The following GALNT13 variants were observed in gnomAD, a reference collection of about 807,000 sequenced individuals.
GALNT13 encodes polypeptide N-acetylgalactosaminyltransferase 13, also known as UDP-GalNAc:polypeptide N-acetylgalactosaminyltransferase 13.
Under a neutral mutation model 64.2 loss-of-function variants are expected in GALNT13, and 28 were observed. That is an observed-to-expected ratio of 0.44 (90% confidence interval 0.32 to 0.60). The LOEUF (loss-of-function observed/expected upper bound fraction) is 0.60, where lower values mean the gene tolerates loss of function less well. Among genes scored for constraint, GALNT13 ranks in the 20% least tolerant of loss-of-function variants. The pLI, the probability that GALNT13 is intolerant of heterozygous loss-of-function variation, is 0.05. For missense variants in GALNT13, 577 were observed against 669.8 expected (o/e 0.86, Z 1.53); for synonymous variants, 214 against 224.6 (o/e 0.95, Z 0.42).
the GALNT13 span, among the ~76,000 whole-genome samples, chr2:153,103,604 A>G: frequency 1.2e-3 from 178 of 152,328 alleles, no homozygotes; most frequent in African/African-American, 4.2e-3. Context: ...AATGATGCCA[A>G]CGCTATAAAT....
At chr2:153,131,800 T>G in the GALNT13 span, among the ~76,000 whole-genome samples, 3 of 152,138 alleles carry the variant, frequency 2.0e-5, no homozygotes, top group South Asian at 6.2e-4. Flanking sequence ...TTCAAGCATG[T>G]TTGGTACCTA....
At chr2:154,368,122 A>T (rs1697474580) in intron 9 of GALNT13, among the ~76,000 whole-genome samples, 1 of 149,108 alleles carries the variant, frequency 6.7e-6, no homozygotes, top group South Asian at 2.1e-4. Context: ...ATTCACTTTG[A>T]TTAAAAGATA....
the GALNT13 span, among the ~76,000 whole-genome samples, chr2:153,699,562 G>GA: frequency 4.8e-4 from 73 of 151,332 alleles, no homozygotes; most frequent in African/African-American, 1.6e-3. Context: ...CTAGATTTTT[G>GA]AAAAAAAATT....
intron 9 of GALNT13, among the ~76,000 whole-genome samples, chr2:154,395,621 C>G (rs1023806897): frequency 6.6e-5 from 10 of 151,980 alleles, no homozygotes; most frequent in African/African-American, 2.4e-4. Context: ...TGAATATTAA[C>G]AAAAACATTG....
At position 154,064,664 on chromosome 2, in the gene GALNT13, C is replaced by G. The variant is rs1195581498; in HGVS notation, c.143-75673C>G. On this transcript the variant is annotated intron_variant, in intron 3 of 12. Coordinates refer to ENST00000392825, the MANE Select transcript of GALNT13 (RefSeq NM_052917.4). ...ACCCACTGCCTATAAAGGAAGGACC[C>G]AGTCCTGGTAGGATCCATCACTTGC... Among the ~76,000 whole-genome samples the G allele has an allele frequency of 2.0e-5, 3 of 152,180 alleles. 1 individual carries two copies. The highest frequency in any genetic ancestry group is 4.1e-4 in the South Asian group (2 of 4,826).
the GALNT13 span, among the ~76,000 whole-genome samples, chr2:153,753,333 G>C: frequency 7.9e-5 from 12 of 152,132 alleles, no homozygotes; most frequent in Non-Finnish European, 1.5e-4. Flanking sequence ...GCATTGAAGA[G>C]TTAGGTGTTT....
At chr2:154,360,276 T>C (rs888391472) in intron 9 of GALNT13, among the ~76,000 whole-genome samples, 1 of 152,182 alleles carries the variant, frequency 6.6e-6, no homozygotes, top group African/African-American at 2.4e-5. Context: ...CCTTGTTTAC[T>C]GCTGTTGCTT....
chr2:154,250,640 T>C (rs1690018652), intron 7 of GALNT13, among the ~76,000 whole-genome samples: 2 of 152,112 alleles, frequency 1.3e-5, no homozygotes, highest in Admixed American at 1.3e-4. Flanking sequence ...ATAATTTCAC[T>C]AAGTATAATA....
At chr2:153,409,380 A>C in the GALNT13 span, among the ~76,000 whole-genome samples, 1 of 150,128 alleles carries the variant, frequency 6.7e-6, no homozygotes, top group African/African-American at 2.4e-5. Context: ...ATGTGTGTAT[A>C]TATATATATA....
At chr2:153,898,257 T>C (rs1236312307) in intron 1 of GALNT13, among the ~76,000 whole-genome samples, 2 of 152,174 alleles carry the variant, frequency 1.3e-5, no homozygotes, top group African/African-American at 2.4e-5. Context: ...TTTAATTTGT[T>C]TTTTTAGGTG....
chr2:153,909,898 G>A (rs1413279271), intron 2 of GALNT13, among the ~76,000 whole-genome samples: 1 of 152,072 alleles, frequency 6.6e-6, no homozygotes, highest in South Asian at 2.1e-4. Context: ...TTCTCTTTTG[G>A]TTGTGTCACT....
the GALNT13 span, among the ~76,000 whole-genome samples, chr2:153,694,033 G>A: frequency 3.4e-4 from 51 of 152,178 alleles, no homozygotes; most frequent in African/African-American, 9.9e-4. Context: ...GCGTGAACCC[G>A]GGAGGCAGAG....
chr2:153,227,566 T>G, the GALNT13 span, among the ~76,000 whole-genome samples: 7 of 152,204 alleles, frequency 4.6e-5, no homozygotes, highest in African/African-American at 1.7e-4. Context: ...CCATAGCTAT[T>G]TTTTTAAAAA....
the GALNT13 span, among the ~76,000 whole-genome samples, chr2:153,672,190 G>C: frequency 2.6e-5 from 4 of 152,002 alleles, no homozygotes; most frequent in Non-Finnish European, 5.9e-5. Flanking sequence ...CTCAGCTCTG[G>C]ACCAAGCAGA....
At chr2:154,064,185 A>G (rs995966512) in intron 3 of GALNT13, among the ~76,000 whole-genome samples, 1 of 152,164 alleles carries the variant, frequency 6.6e-6, no homozygotes, top group Admixed American at 6.5e-5. Context: ...GAGCATGTAC[A>G]CCAGCCCTAG....
chr2:153,453,302 C>G, the GALNT13 span, among the ~76,000 whole-genome samples: 1 of 152,080 alleles, frequency 6.6e-6, no homozygotes, highest in Non-Finnish European at 1.5e-5. Flanking sequence ...TTCTGCACAC[C>G]GAAAGAAACT....
chr2:153,650,749 G>A, the GALNT13 span, among the ~76,000 whole-genome samples: 1 of 152,030 alleles, frequency 6.6e-6, no homozygotes, highest in African/African-American at 2.4e-5. Flanking sequence ...ATGAAATTCT[G>A]GGTTAATACC....
the GALNT13 span, among the ~76,000 whole-genome samples, chr2:153,158,241 G>A: frequency 6.6e-6 from 1 of 152,130 alleles, no homozygotes; most frequent in Non-Finnish European, 1.5e-5. Context: ...CAAGACTGTA[G>A]TATGTTTGCC....
chr2:153,830,802 T>TGA, the GALNT13 span, among the ~76,000 whole-genome samples: 4 of 152,194 alleles, frequency 2.6e-5, no homozygotes, highest in African/African-American at 9.6e-5. Context: ...GCTTTCAGAA[T>TGA]TATACATTAT....
Sources: gnomAD v4.1 joint callset for allele counts (sites outside exome capture counted in the v4.1 genomes callset) on GRCh38, gnomAD v4.1.1 for gene constraint, MANE v1.5 for transcripts, NCBI Gene and HGNC (gene_info 2026-07-23, HGNC 2026-07-21) for gene names.